Variants in SLC24A2 observed in about 807,000 individuals in gnomAD.
SLC24A2 encodes solute carrier family 24 member 2.
SLC24A2 carries 36 observed loss-of-function variants against 62.0 expected under a neutral mutation model. The observed-to-expected ratio is 0.58, with a 90% confidence interval of 0.44 to 0.77. SLC24A2 has a LOEUF of 0.77. Ranked by LOEUF, SLC24A2 falls within the 30% of genes least tolerant of loss-of-function variation. SLC24A2 has a pLI of 0.00. For synonymous variants in SLC24A2, 358 were observed against 294.0 expected, an observed-to-expected ratio of 1.22 and a Z score of -2.23; for missense variants, 846 against 817.9, an observed-to-expected ratio of 1.03 and a Z score of -0.42.
chr9:20,011,218 T>C, the SLC24A2 span, among the ~76,000 whole-genome samples: 2 of 152,168 alleles, frequency 1.3e-5, no homozygotes, highest in Non-Finnish European at 2.9e-5. Flanking sequence ...TAGTTTACAG[T>C]CCCACCAACA....
the SLC24A2 span, among the ~76,000 whole-genome samples, chr9:19,891,229 C>T: frequency 6.6e-6 from 1 of 152,226 alleles, no homozygotes; most frequent in African/African-American, 2.4e-5. Flanking sequence ...ACACCAGCCT[C>T]TGCAGAGGGA....
At chr9:20,202,118 A>G in the SLC24A2 span, among the ~76,000 whole-genome samples, 1 of 150,584 alleles carries the variant, frequency 6.6e-6, no homozygotes, top group African/African-American at 2.4e-5. Flanking sequence ...CTGGGTAAGC[A>G]TGGAACACTC....
rs1204646954 is a variant in SLC24A2, at chr9:19,780,440, G to T, written c.930+5497C>A. 5.3e-5 allele frequency among the ~76,000 whole-genome samples: 8 copies of T among 150,928 alleles called. No homozygotes were observed. The East Asian group carries it at 1.7e-3, about 31-fold the overall frequency. On this transcript the variant is annotated intron_variant, in intron 2 of 10. Coordinates refer to ENST00000341998, the MANE Select transcript of SLC24A2 (RefSeq NM_020344.4). ...CTGCCACTGCGCCCAGCTAATTTTT[G>T]TATCTTTAGTAGAGACGGGGTTTCA...
chr9:20,189,372 C>T, the SLC24A2 span, among the ~76,000 whole-genome samples: 27 of 152,108 alleles, frequency 1.8e-4, no homozygotes, highest in African/African-American at 6.3e-4. Flanking sequence ...TGGGGAAAGC[C>T]AGTCATCATA....
At chr9:19,825,784 T>G in the SLC24A2 span, among the ~76,000 whole-genome samples, 1 of 152,150 alleles carries the variant, frequency 6.6e-6, no homozygotes, top group East Asian at 1.9e-4. Context: ...GTAATTATTT[T>G]GCTTGTAGGG....
At chr9:19,764,363 T>C (rs1822446560) in intron 2 of SLC24A2, among the ~76,000 whole-genome samples, 1 of 152,210 alleles carries the variant, frequency 6.6e-6, no homozygotes, top group South Asian at 2.1e-4. Flanking sequence ...TTGTTTGCTC[T>C]TGCTTCTCTA....
chr9:19,848,447 T>A, the SLC24A2 span, among the ~76,000 whole-genome samples: 3 of 152,180 alleles, frequency 2.0e-5, no homozygotes, highest in Admixed American at 6.5e-5. Context: ...CAATTTATTA[T>A]TGGTGTGGAG....
chr9:19,569,501 C>A (rs1041994812), intron 7 of SLC24A2, among the ~76,000 whole-genome samples: 1 of 151,856 alleles, frequency 6.6e-6, no homozygotes, highest in Non-Finnish European at 1.5e-5. Flanking sequence ...GCACAATGTC[C>A]TTCATGATCC....
Position 19,519,349 on chromosome 9 carries a change from T to TG in SLC24A2, c.1736+1544_1736+1545insC, listed in dbSNP as rs1563927309. Among the ~76,000 whole-genome samples the TG allele has an allele frequency of 2.1e-3, 307 of 147,680 alleles. 1 individual carries two copies. The highest frequency in any genetic ancestry group is 7.4e-3 in the African/African-American group (297 of 40,270). ...AGTGATTTTTTTTCTTTAAACTTCC[T>TG]TGTGTGTGTGTGTGTGTGTGTGTGT... On this transcript the variant is annotated intron_variant, in intron 10 of 10. Transcript: ENST00000341998.
the SLC24A2 span, among the ~76,000 whole-genome samples, chr9:19,899,834 T>G: frequency 0.99 from 151,326 of 152,268 alleles, 75,201 homozygotes; most frequent in Middle Eastern, 1. Flanking sequence ...ACCATCAGAA[T>G]TCACTCATTA....
chr9:20,117,513 G>T, the SLC24A2 span, among the ~76,000 whole-genome samples: 1 of 152,156 alleles, frequency 6.6e-6, no homozygotes, highest in Admixed American at 6.6e-5. Context: ...AGATGAGGAA[G>T]AAAATTCACC....
intron 7 of SLC24A2, among the ~76,000 whole-genome samples, chr9:19,552,065 T>A (rs1286271017): frequency 6.6e-6 from 1 of 152,188 alleles, no homozygotes; most frequent in Non-Finnish European, 1.5e-5. Context: ...GACAGTTTAT[T>A]TTGGTACCCT....
At chr9:19,619,761 T>C (rs1817865176) in intron 3 of SLC24A2, 69 bp from the exon 4 acceptor site, 19 of 1,155,298 alleles carry the variant, frequency 1.6e-5, no homozygotes, top group Non-Finnish European at 2.4e-5. Context: ...GACAAGATCC[T>C]CACCTAGTCT....
At chr9:19,564,453 T>A (rs1192868948) in intron 7 of SLC24A2, among the ~76,000 whole-genome samples, 1 of 152,226 alleles carries the variant, frequency 6.6e-6, no homozygotes, top group Non-Finnish European at 1.5e-5. Flanking sequence ...AAGGTAATAT[T>A]TGAATTGTAA....
the SLC24A2 span, among the ~76,000 whole-genome samples, chr9:20,090,774 T>C: frequency 6.6e-6 from 1 of 152,080 alleles, no homozygotes; most frequent in African/African-American, 2.4e-5. Context: ...ATGCAAGAAC[T>C]CCAGCAACTC....
the SLC24A2 span, among the ~76,000 whole-genome samples, chr9:20,160,434 T>C: frequency 9.9e-5 from 15 of 151,372 alleles, no homozygotes; most frequent in African/African-American, 3.1e-4. Context: ...AAAATTATGA[T>C]AGATATCATA....
chr9:20,024,429 ATTGGCCTTCCTGGCT>A, the SLC24A2 span, among the ~76,000 whole-genome samples: 1 of 152,196 alleles, frequency 6.6e-6, no homozygotes, highest in Non-Finnish European at 1.5e-5. Context: ...TGGCACAGGA[ATTGGCCTTCCTGGCT>A]TTGGCCTTCA....
chr9:19,834,127 A>G, the SLC24A2 span, among the ~76,000 whole-genome samples: 1 of 152,192 alleles, frequency 6.6e-6, no homozygotes, highest in East Asian at 1.9e-4. Flanking sequence ...AGATAGGGAA[A>G]AAACAGAGCA....
chr9:20,166,964 C>T, the SLC24A2 span, among the ~76,000 whole-genome samples: 1 of 152,028 alleles, frequency 6.6e-6, no homozygotes, highest in East Asian at 1.9e-4. Flanking sequence ...CCTCAGCCTC[C>T]TGAGTAGCTG....
Sources: allele counts gnomAD v4.1 joint callset (sites outside exome capture counted in the v4.1 genomes callset), GRCh38; gene constraint gnomAD v4.1.1; transcripts MANE v1.5; gene names NCBI Gene and HGNC (gene_info 2026-07-23, HGNC 2026-07-21).